Variants in GGTA1 observed in about 807,000 individuals in gnomAD.
GGTA1 encodes the protein inactive N-acetyllactosaminide alpha-1,3-galactosyltransferase.
GGTA1 carries 5 observed loss-of-function variants against 2.6 expected under a neutral mutation model. The observed-to-expected ratio is 1.92, with a 90% CI of 1.00 to 4.04. The LOEUF (loss-of-function observed/expected upper bound fraction) is 4.04, where lower values mean the gene tolerates loss of function less well. Among genes scored for constraint, GGTA1 ranks in the 30% most tolerant of loss-of-function variants. The pLI, the probability that GGTA1 is intolerant of heterozygous loss-of-function variation, is 0.00. For synonymous variants in GGTA1, 17 were observed against 5.0 expected (o/e 3.38, Z -3.19); for missense variants, 50 against 16.7 (o/e 2.99, Z -3.47).
At chr9:121,470,510 C>A (rs1325722018) in intron 1 of GGTA1, among the ~76,000 whole-genome samples, 1 of 152,180 alleles carries the variant, frequency 6.6e-6, no homozygotes, top group Non-Finnish European at 1.5e-5. Flanking sequence ...GAGATATGGG[C>A]TAGACATGCA....
chr9:121,458,463 C>CA (rs965187352), intron 5 of GGTA1, among the ~76,000 whole-genome samples: 78 of 151,332 alleles, frequency 5.2e-4, no homozygotes, highest in Admixed American at 1.9e-3. Flanking sequence ...CCCGTTTCTA[C>CA]AAAAAATACA....
intron 5 of GGTA1, among the ~76,000 whole-genome samples, chr9:121,459,499 A>G (rs1011970680): frequency 6.6e-6 from 1 of 152,198 alleles, no homozygotes; most frequent in Non-Finnish European, 1.5e-5. Flanking sequence ...GATTACTCTG[A>G]TGATACCTCA....
At chr9:121,495,965 T>C (rs1283435389) in intron 1 of GGTA1, among the ~76,000 whole-genome samples, 3 of 152,216 alleles carry the variant, frequency 2.0e-5, no homozygotes, top group Admixed American at 6.5e-5. Flanking sequence ...GCTACAGAAG[T>C]AGCATTTAAA....
At chr9:121,482,038 C>G (rs894033327) in intron 1 of GGTA1, among the ~76,000 whole-genome samples, 1 of 151,978 alleles carries the variant, frequency 6.6e-6, no homozygotes, top group East Asian at 1.9e-4. Context: ...AATCAGAAAT[C>G]TTCCTGCTGG....
intron 5 of GGTA1, among the ~76,000 whole-genome samples, chr9:121,457,080 T>C (rs913303471): frequency 1.3e-5 from 2 of 151,416 alleles, no homozygotes; most frequent in Non-Finnish European, 2.9e-5. Context: ...GGCTGTCGAG[T>C]GGAGAGAAGG....
intron 1 of GGTA1, among the ~76,000 whole-genome samples, chr9:121,481,900 G>A (rs1589336098): frequency 6.6e-6 from 1 of 151,718 alleles, no homozygotes; most frequent in Admixed American, 6.6e-5. Context: ...GGAGGCTGAG[G>A]CAGGAGAGTT....
chr9:121,448,126 G>A (rs1246735491), intron 7 of GGTA1, among the ~76,000 whole-genome samples: 2 of 152,112 alleles, frequency 1.3e-5, no homozygotes, highest in Admixed American at 6.5e-5. Flanking sequence ...TCCAATATCA[G>A]CTTTAACTAT....
chr9:121,496,656 C>G (rs145165280), intron 1 of GGTA1, among the ~76,000 whole-genome samples: 1 of 130,402 alleles, frequency 7.7e-6, no homozygotes, highest in Non-Finnish European at 1.6e-5. Flanking sequence ...CGCTTGAACC[C>G]GGGAGGCAAA....
chr9:121,460,048 C>G, intron 5 of GGTA1, 56 bp downstream of exon 5: 2 of 451,474 alleles, frequency 4.4e-6, no homozygotes, highest in South Asian at 3.1e-5. Context: ...CACTGCCACA[C>G]CACCCCCTGC....
intron 1 of GGTA1, among the ~76,000 whole-genome samples, chr9:121,485,801 G>T (rs938401875): frequency 1.3e-5 from 2 of 152,134 alleles, no homozygotes; most frequent in African/African-American, 4.8e-5. Flanking sequence ...AGTGGGGAAG[G>T]TCCCCTCCCC....
chr9:121,480,302 C>T (rs1009338441), intron 1 of GGTA1, among the ~76,000 whole-genome samples: 5 of 152,094 alleles, frequency 3.3e-5, no homozygotes, highest in African/African-American at 9.7e-5. Context: ...GTGATCCGCC[C>T]GCCTCAGCCT....
chr9:121,492,359 T>C (rs1472391096), intron 1 of GGTA1, among the ~76,000 whole-genome samples: 3 of 152,166 alleles, frequency 2.0e-5, no homozygotes, highest in Non-Finnish European at 2.9e-5. Context: ...ACAGTACCCA[T>C]AGCTAGCAGC....
At chr9:121,477,358 G>T (rs572652903) in intron 1 of GGTA1, among the ~76,000 whole-genome samples, 1 of 152,284 alleles carries the variant, frequency 6.6e-6, no homozygotes, top group Non-Finnish European at 1.5e-5. Flanking sequence ...AGATAATGTG[G>T]CAGTCAAAGA....
downstream of GGTA1, among the ~76,000 whole-genome samples, chr9:121,452,713 T>G (rs2064884582): frequency 6.6e-6 from 1 of 151,988 alleles, no homozygotes; most frequent in Non-Finnish European, 1.5e-5. Flanking sequence ...GAGATGGGGT[T>G]TCACCATGTT....
rs183859361 is a variant in GGTA1 at position 121,488,817 on chromosome 9, G to A, written c.-10+10833C>T. ...TCAGCTACTGGGGAGGCTGAGGCAG[G>A]AGAATCGCTTGAACCCAGGAGGCAG... On this transcript the variant is annotated intron_variant, in intron 1 of 5. Transcript: ENST00000481799. Among the ~76,000 whole-genome samples, 262 of 152,334 alleles carry A rather than the reference G, an allele frequency of 1.7e-3. 3 individuals carry two copies. Among genetic ancestry groups the A allele is most frequent in the Non-Finnish European group, 8.5e-4 (58 of 68,026 alleles).
At chr9:121,479,530 G>A (rs898011189) in intron 1 of GGTA1, among the ~76,000 whole-genome samples, 6 of 152,102 alleles carry the variant, frequency 3.9e-5, no homozygotes, top group Non-Finnish European at 5.9e-5. Context: ...CAAAACCATG[G>A]TCCAAACTGG....
At chr9:121,466,318 A>G (rs1442842876) in intron 2 of GGTA1, among the ~76,000 whole-genome samples, 1 of 152,148 alleles carries the variant, frequency 6.6e-6, no homozygotes, top group Non-Finnish European at 1.5e-5. Context: ...TGAGTGGGAA[A>G]CGTCCTCAGC....
downstream of GGTA1, among the ~76,000 whole-genome samples, chr9:121,454,274 C>T (rs750955701): frequency 3.3e-5 from 5 of 152,200 alleles, no homozygotes; most frequent in South Asian, 8.3e-4. Context: ...GCACCCACCA[C>T]GTACACTTTC....
At chr9:121,451,615 A>G (rs981632429), downstream of GGTA1, among the ~76,000 whole-genome samples, 1 of 152,246 alleles carries the variant, frequency 6.6e-6, no homozygotes, top group Non-Finnish European at 1.5e-5. Context: ...TCTAGGGCCA[A>G]ATCCTCCATG....
Sources: allele counts gnomAD v4.1 joint callset (sites outside exome capture counted in the v4.1 genomes callset), GRCh38; gene constraint gnomAD v4.1.1; transcripts MANE v1.5; gene names NCBI Gene and HGNC (gene_info 2026-07-23, HGNC 2026-07-21).